The following NCAPH variants were observed in gnomAD, a reference collection of about 807,000 sequenced individuals.
NCAPH encodes the protein non-SMC condensin I complex subunit H.
In NCAPH, 38 loss-of-function variants were observed where a neutral mutation model predicts 85.5. That is an observed-to-expected ratio of 0.44 (90% CI 0.34 to 0.58). NCAPH has a LOEUF of 0.58. Ranked by LOEUF, NCAPH falls within the 20% of genes least tolerant of loss-of-function variation. The probability of loss-of-function intolerance (pLI) is 0.01; values close to 1 mark genes in which losing one functional copy is unlikely to be tolerated. For missense variants in NCAPH, 789 were observed against 916.6 expected (o/e 0.86, Z 1.80); for synonymous variants, 301 against 335.1 (o/e 0.90, Z 1.11).
chr2:96,360,376 G>A (rs536015507), intron 11 of NCAPH, 127 bp downstream of exon 11: 17 of 781,310 alleles, frequency 2.2e-5, no homozygotes, highest in African/African-American at 3.5e-5. Flanking sequence ...TTCCTTAAAC[G>A]CACTATTAAG....
chr2:96,340,933 G>T (rs530903129), intron 1 of NCAPH, among the ~76,000 whole-genome samples: 16 of 152,194 alleles, frequency 1.1e-4, no homozygotes, highest in Non-Finnish European at 5.9e-5. Flanking sequence ...AGAAGTTAAA[G>T]ATCTAAAGTT....
In NCAPH at chr2:96,354,342, G is replaced by A; in HGVS notation, c.1162G>A (p.Glu388Lys). The A allele has an allele frequency of 6.2e-7, 1 of 1,613,388 alleles. No individual in the cohort carries two copies. Among genetic ancestry groups the A allele is most frequent in the Non-Finnish European group, 8.5e-7 (1 of 1,179,640 alleles). The part of the protein sequence containing the change: ...EPDHTAVGDH[E>K]EFRSWKEPCQ... ...TGACCACACCGCAGTTGGGGATCAT[G>A]AAGAGTTCAGGAGCTGGAAGGAGCC... Residue 388 changes from glutamate to lysine, a missense_variant, in exon 9 of 18, where the codon GAA (glutamate) becomes AAA (lysine). Physicochemically the swap from Glu to Lys is moderately conservative, Grantham distance 56 (BLOSUM62 1). Coordinates refer to ENST00000240423, the MANE Select transcript of NCAPH (RefSeq NM_015341.5).
rs1392328225 is a variant in NCAPH at position 96,361,802 on chromosome 2, A to ATG, written c.1587+1096_1587+1097dup. Among the ~76,000 whole-genome samples the ATG allele has an allele frequency of 9.3e-3, 943 of 101,312 alleles. 7 individuals are homozygous for ATG. Among genetic ancestry groups the ATG allele is most frequent in the Non-Finnish European group, 0.014 (678 of 49,896 alleles). The allele number at this position is 101,312 out of a possible 152,430, so 66.5% of individuals were successfully genotyped here. A position where few individuals can be genotyped will look rare whatever the true frequency, so the allele number is the denominator to read the frequency against. ...TATATACACATATATATGTATATAT[A>ATG]TGTGTATATATATATATATATATAT... On this transcript the variant is annotated intron_variant, in intron 12 of 17. Transcript: ENST00000240423.
intron 7 of NCAPH, among the ~76,000 whole-genome samples, chr2:96,352,367 T>G (rs933042824): frequency 6.6e-6 from 1 of 152,170 alleles, no homozygotes; most frequent in African/African-American, 2.4e-5. Flanking sequence ...TAGAGAGACC[T>G]TTGCCTAGCC....
rs2064838524 is a variant in NCAPH at position 96,376,961 on chromosome 2, A to G, written c.*3610A>G. 1.3e-5 allele frequency among the ~76,000 whole-genome samples: 2 copies of G among 152,202 alleles called. No homozygotes were observed. The highest frequency in any genetic ancestry group is 6.5e-5 in the Admixed American group (1 of 15,278). On this transcript the variant is annotated 3_prime_UTR_variant, in exon 18 of 18. Coordinates refer to ENST00000240423, the MANE Select transcript of NCAPH (RefSeq NM_015341.5). Reference sequence around the variant, plus strand: ...AGAGTAAATGCCTGAGGGGATGGATACCCCATTCTCTGTGATGTGCTTATT... The same window carrying G: ...AGAGTAAATGCCTGAGGGGATGGATGCCCCATTCTCTGTGATGTGCTTATT...
At position 96,341,692 on chromosome 2, in the gene NCAPH, C is replaced by T; in HGVS notation, c.70C>T (p.His24Tyr). Reference protein sequence around the residue: ...NSSSETRGHPHSASSPSERVF... With the variant: ...NSSSETRGHPYSASSPSERVF... ...TTCTTCAGAGACGCGAGGACACCCC[C>T]ACAGTGCCTCCTCTCCTTCAGAGCG... The change falls in exon 2 of 18, where the codon CAC becomes TAC. Residue 24 changes from histidine (H) to tyrosine (Y), a missense_variant. Physicochemically the swap from His to Tyr is moderately conservative, Grantham distance 83 (BLOSUM62 2). Coordinates refer to ENST00000240423, the MANE Select transcript of NCAPH (RefSeq NM_015341.5). 6.2e-7 allele frequency: 1 copy of T among 1,614,216 alleles called. No homozygotes were observed. Among genetic ancestry groups the T allele is most frequent in the African/African-American group, 1.3e-5 (1 of 75,060 alleles).
chr2:96,337,710 G>A (rs563735052), intron 1 of NCAPH, among the ~76,000 whole-genome samples: 37 of 151,586 alleles, frequency 2.4e-4, no homozygotes, highest in Non-Finnish European at 4.4e-4. Context: ...GAGCCACCGC[G>A]CCCGGCCTAT....
chr2:96,341,526 G>C, intron 1 of NCAPH, 116 bp from the exon 2 acceptor site: 1 of 1,343,604 alleles, frequency 7.4e-7, no homozygotes, highest in Non-Finnish European at 1.0e-6. Flanking sequence ...ATTAGAGTTG[G>C]AGAAGATCTC....
intron 1 of NCAPH, 22 bp downstream of exon 1, chr2:96,335,870 C>T (rs2064205507): frequency 2.7e-6 from 4 of 1,465,592 alleles, no homozygotes; most frequent in African/African-American, 1.5e-5. Context: ...GGTCGGGAGG[C>T]GCGGCGGGAA....
chr2:96,337,751 GC>G (rs917858983), intron 1 of NCAPH, among the ~76,000 whole-genome samples: 2 of 152,034 alleles, frequency 1.3e-5, no homozygotes, highest in African/African-American at 2.4e-5. Flanking sequence ...TTGCTGTGTT[GC>G]CCAGGCTGGA....
rs372491887 is a variant in NCAPH at position 96,343,130 on chromosome 2, G to T, written c.457-36G>T. ...TACCTGTTCAGAAGTTGTTTTTTGT[G>T]TATCTTTGTGAGTGCAGCTCTGATT... On this transcript the variant is annotated intron_variant, in intron 4 of 17. Coordinates refer to ENST00000240423, the MANE Select transcript of NCAPH (RefSeq NM_015341.5). 3.1e-5 allele frequency: 49 copies of T among 1,603,368 alleles called. No homozygotes were observed. In the African/African-American group the frequency reaches 3.9e-4, roughly 13 times the overall value.
chr2:96,342,006 T>C, intron 2 of NCAPH, 44 bp from the exon 3 acceptor site: 4 of 1,604,206 alleles, frequency 2.5e-6, no homozygotes, highest in Non-Finnish European at 3.4e-6. Context: ...ATTTAAACTA[T>C]CATGGATTCT....
At chr2:96,369,608 C>A in intron 17 of NCAPH, 108 bp downstream of exon 17, 1 of 1,181,604 alleles carries the variant, frequency 8.5e-7, no homozygotes, top group South Asian at 1.3e-5. Flanking sequence ...TTCTTAAATA[C>A]AGTGACTTAT....
intron 10 of NCAPH, among the ~76,000 whole-genome samples, 185 bp from the exon 11 acceptor site, chr2:96,359,958 C>T (rs933979066): frequency 1.3e-5 from 2 of 152,182 alleles, no homozygotes; most frequent in African/African-American, 2.4e-5. Flanking sequence ...TTAGCCAAAA[C>T]ACAAATTATA....
chr2:96,354,082 G>A (rs1573078923), intron 8 of NCAPH, 101 bp from the exon 9 acceptor site: 3 of 1,188,854 alleles, frequency 2.5e-6, no homozygotes, highest in East Asian at 4.8e-5. Flanking sequence ...GGAAGGAGGA[G>A]GCTGGAAACT....
chr2:96,342,102 G>C lies in NCAPH; in HGVS notation c.325G>C (p.Glu109Gln), dbSNP rs1297862665. Residue 109 changes from glutamate to glutamine, a missense_variant, in exon 3 of 18, where the codon GAA becomes CAA. Glu to Gln is a conservative substitution (Grantham distance 29). Transcript: ENST00000240423. ...CAAGTTTACAAACACGCAGATTACG[G>C]AACATTACTCCACCTGTATCAAACT... The part of the protein sequence containing the change: ...IPKFTNTQIT[E>Q]HYSTCIKLST... 3 of 1,612,870 alleles carry C rather than the reference G, an allele frequency of 1.9e-6. No individual in the cohort carries two copies. The African/African-American group carries it at 4.0e-5, about 22-fold the overall frequency.
At chr2:96,341,508 C>T (rs1380178148) in intron 1 of NCAPH, 134 bp from the exon 2 acceptor site, 5 of 1,199,816 alleles carry the variant, frequency 4.2e-6, no homozygotes, top group East Asian at 2.4e-5. Context: ...AGGTTCTAGC[C>T]ATTAAGTATT....
chr2:96,353,622 C>G lies in NCAPH; in HGVS notation c.1002+225C>G, dbSNP rs542472373. Reference sequence around the variant, plus strand: ...TGAGTTCCAGGATCAGCTTTATGTCCTCTCTTCTGCTATCCTAGGGTAAGG... The same window carrying G: ...TGAGTTCCAGGATCAGCTTTATGTCGTCTCTTCTGCTATCCTAGGGTAAGG... On this transcript the variant is annotated intron_variant, in intron 8 of 17. Transcript: ENST00000240423. Among the ~76,000 whole-genome samples the G allele has an allele frequency of 4.1e-4, 62 of 152,298 alleles. 1 individual carries two copies. The highest frequency in any genetic ancestry group is 1.5e-3 in the African/African-American group (61 of 41,554).
At chr2:96,351,606 T>C (rs2064442357) in intron 6 of NCAPH, among the ~76,000 whole-genome samples, 1 of 148,864 alleles carries the variant, frequency 6.7e-6, no homozygotes, top group Admixed American at 6.8e-5. Flanking sequence ...AGGCAGAGGT[T>C]GCAGTGAGCC....
Sources: gnomAD v4.1 joint callset for allele counts (sites outside exome capture counted in the v4.1 genomes callset) on GRCh38, gnomAD v4.1.1 for gene constraint, MANE v1.5 for transcripts, NCBI Gene and HGNC (gene_info 2026-07-23, HGNC 2026-07-21) for gene names.